DENND4A: variants seen among roughly 807,000 people sequenced by gnomAD.
The protein encoded by DENND4A is C-myc promoter-binding protein.
DENND4A carries 70 observed loss-of-function variants against 199.3 expected under a neutral mutation model. The ratio of observed to expected loss-of-function variants is 0.35; its 90% CI spans 0.29 to 0.43. The LOEUF is 0.43. Ranked by LOEUF, DENND4A falls within the 20% of genes least tolerant of loss-of-function variation. The pLI, the probability that DENND4A is intolerant of heterozygous loss-of-function variation, is 1.00. For missense variants in DENND4A, 1,723 were observed against 2,255.8 expected, an observed-to-expected ratio of 0.76 and a Z score of 4.78; for synonymous variants, 686 against 766.9, an observed-to-expected ratio of 0.89 and a Z score of 1.74.
At chr15:65,697,124 G>A (rs1446752543) in intron 21 of DENND4A, 143 bp downstream of exon 21, 2 of 585,098 alleles carry the variant, frequency 3.4e-6, no homozygotes, top group Non-Finnish European at 6.0e-6. Context: ...AGTATGTGGT[G>A]GCTGAGAGGG....
At chr15:65,789,781 T>C (rs1054082364) in intron 1 of DENND4A, among the ~76,000 whole-genome samples, 2 of 152,246 alleles carry the variant, frequency 1.3e-5, no homozygotes, top group African/African-American at 4.8e-5. Flanking sequence ...CATAGAATGC[T>C]TTGAAAAATT....
chr15:65,771,804 G>A lies in DENND4A; in HGVS notation c.-101-10366C>T, dbSNP rs2077134969. The A allele has an allele frequency of 5.6e-6, 9 of 1,613,522 alleles. No individual in the cohort carries two copies. The South Asian group carries it at 9.9e-5, about 18-fold the overall frequency. ...TACATGCTTGTTCTTCATTGCCCGT[G>A]AGGTCATACTGTTTTCGCTTTTCTG... On this transcript the variant is annotated intron_variant, in intron 1 of 32. Coordinates refer to ENST00000443035, the MANE Select transcript of DENND4A (RefSeq NM_001320835.1).
intron 11 of DENND4A, among the ~76,000 whole-genome samples, chr15:65,723,989 G>A (rs1289718332): frequency 1.3e-5 from 2 of 152,046 alleles, no homozygotes; most frequent in African/African-American, 4.8e-5. Context: ...TGGGGTAGGA[G>A]TAGAAAAGAG....
At chr15:65,732,035 T>C (rs551261677) in intron 8 of DENND4A, among the ~76,000 whole-genome samples, 32 of 152,196 alleles carry the variant, frequency 2.1e-4, no homozygotes, top group African/African-American at 5.3e-4. Context: ...GGCAAATCCA[T>C]AGATTGCCTG....
chr15:65,665,801 C>T (rs750600858), intron 29 of DENND4A, among the ~76,000 whole-genome samples: 6 of 152,172 alleles, frequency 3.9e-5, no homozygotes, highest in Admixed American at 1.3e-4. Context: ...GCCCAGATAA[C>T]GCTGAGTTCA....
In DENND4A at chr15:65,756,243, G is replaced by A; in HGVS notation, c.208C>T (p.Pro70Ser). Residue 70 changes from proline to serine, a missense_variant, in exon 3 of 33, where the codon CCA becomes TCA. Physicochemically the swap from Pro to Ser is moderately conservative, Grantham distance 74. Around this residue, in one of 6 missense-constraint regions of DENND4A, gnomAD observed 725 missense variants for 952.9 expected, o/e 0.76. Coordinates refer to ENST00000443035, the MANE Select transcript of DENND4A (RefSeq NM_001320835.1). ...TTAAGATCAGCTGACAATCCAGTTG[G>A]GGTAACATCAATACAGATATAATCC... ...PQDYICIDVT[P>S]TGLSADLNNG... 1 of 1,612,604 alleles carries A rather than the reference G, an allele frequency of 6.2e-7. No homozygotes were observed. The highest frequency in any genetic ancestry group is 8.5e-7 in the Non-Finnish European group (1 of 1,179,232).
At chr15:65,786,951 A>G (rs906241863) in intron 1 of DENND4A, among the ~76,000 whole-genome samples, 2 of 152,204 alleles carry the variant, frequency 1.3e-5, no homozygotes, top group Admixed American at 1.3e-4. Flanking sequence ...GGACTTTAAC[A>G]TGATCTGTAA....
In DENND4A at chr15:65,701,871, A is replaced by G. The variant is rs2074881745; in HGVS notation, c.2450T>C (p.Met817Thr). ...CTGATCATATTGTCCACAGAGTTGC[A>G]TAAGAATGCGGTAGCATACCTGAAA... is the stretch of plus-strand genomic sequence containing the variant. ...PPDEVCYRIL[M>T]QLCGQYDQPV... The change falls in exon 18 of 33, where the codon ATG becomes ACG. Residue 817 changes from methionine (M) to threonine (T), a missense_variant. Met to Thr is a moderately conservative substitution (Grantham distance 81, BLOSUM62 -1). Coordinates refer to ENST00000443035, the MANE Select transcript of DENND4A (RefSeq NM_001320835.1). 6.2e-7 allele frequency: 1 copy of G among 1,613,924 alleles called. No homozygotes were observed.
rs1251345394 is a variant in DENND4A at position 65,702,965 on chromosome 15, G to A, written c.2131C>T (p.Pro711Ser). The A allele has an allele frequency of 1.2e-6, 2 of 1,612,894 alleles. No homozygotes were observed. The highest frequency in any genetic ancestry group is 1.7e-5 in the Admixed American group (1 of 59,966). ...PVLRNNLFER[P>S]EGFLQAKKNK... is the part of the protein sequence containing the mutation. ...TTCTTTGCTTGTAGAAATCCTTCAGGTCTTTCAAATAAATTGTTCCTAAGA... is the reference window on the plus strand; with the variant it reads ...TTCTTTGCTTGTAGAAATCCTTCAGATCTTTCAAATAAATTGTTCCTAAGA... Residue 711 changes from proline (P) to serine (S), a missense_variant, in exon 16 of 33, where the codon CCT becomes TCT. Pro to Ser is a moderately conservative substitution (Grantham distance 74, BLOSUM62 -1). This residue lies in a region of DENND4A where 725 missense variants were observed against 952.9 expected (regional missense o/e 0.76). Coordinates refer to ENST00000443035, the MANE Select transcript of DENND4A (RefSeq NM_001320835.1).
chr15:65,718,369 C>G (rs1035310570), intron 12 of DENND4A, among the ~76,000 whole-genome samples: 31 of 152,006 alleles, frequency 2.0e-4, no homozygotes, highest in African/African-American at 6.8e-4. Context: ...TTTTTAAGTT[C>G]ATGTTCTAAA....
intron 1 of DENND4A, among the ~76,000 whole-genome samples, chr15:65,776,730 T>C (rs2077293841): frequency 6.6e-6 from 1 of 152,186 alleles, no homozygotes; most frequent in Non-Finnish European, 1.5e-5. Flanking sequence ...CAGAATGAAA[T>C]CACAGAACCA....
At chr15:65,727,607 G>A (rs1307364955) in intron 11 of DENND4A, among the ~76,000 whole-genome samples, 2 of 152,236 alleles carry the variant, frequency 1.3e-5, no homozygotes, top group East Asian at 3.9e-4. Flanking sequence ...GAGTGACAGA[G>A]TAAGACCCTG....
chr15:65,674,697 G>A (rs970143816), intron 24 of DENND4A, among the ~76,000 whole-genome samples: 23 of 149,256 alleles, frequency 1.5e-4, no homozygotes, highest in African/African-American at 5.2e-4. Context: ...CTGTGCCACT[G>A]TACTCCAGCC....
At chr15:65,669,676 T>C (rs1057426781) in intron 27 of DENND4A, 103 bp downstream of exon 27, 8 of 956,522 alleles carry the variant, frequency 8.4e-6, no homozygotes, top group Admixed American at 5.6e-5. Context: ...CTGTTATTCA[T>C]AGACATTTAA....
At position 65,665,455 on chromosome 15, in the gene DENND4A, C is replaced by T. The variant is rs757437909; in HGVS notation, c.5249G>A (p.Arg1750His). ...TTTGCTATCTTCAGACATACAGTGG[C>T]GGGGAATCTGTGTTATACAATAAAC... ...EHCNKYSKIP[R>H]HCMSEDSKYV... is the part of the protein sequence containing the mutation. Residue 1750 changes from arginine (R) to histidine (H), a missense_variant, in exon 30 of 33, where the codon CGC becomes CAC. Transcript: ENST00000443035. 16 of 1,610,242 alleles carry T rather than the reference C, an allele frequency of 9.9e-6. No homozygotes were observed. Among genetic ancestry groups the T allele is most frequent in the South Asian group, 2.2e-5 (2 of 90,632 alleles).
At chr15:65,741,623 C>T in intron 5 of DENND4A, 92 bp downstream of exon 5, 10 of 994,640 alleles carry the variant, frequency 1.0e-5, no homozygotes, top group Non-Finnish European at 1.4e-5. Context: ...AGTCCTGATA[C>T]TAACACAGAC....
chr15:65,771,994 T>C, intron 1 of DENND4A: 3 of 1,477,814 alleles, frequency 2.0e-6, no homozygotes, highest in Non-Finnish European at 2.8e-6. Flanking sequence ...ATAGTAATTT[T>C]TATATTTGTT....
intron 9 of DENND4A, among the ~76,000 whole-genome samples, chr15:65,730,486 T>C (rs2075926674): frequency 6.6e-6 from 1 of 152,042 alleles, no homozygotes; most frequent in Non-Finnish European, 1.5e-5. Flanking sequence ...CAAATGTCTA[T>C]CAACTGATAA....
intron 7 of DENND4A, among the ~76,000 whole-genome samples, chr15:65,734,753 A>G (rs1215288070): frequency 6.6e-6 from 1 of 152,228 alleles, no homozygotes; most frequent in Non-Finnish European, 1.5e-5. Context: ...AAGATATTCA[A>G]GATCCATTCA....
Sources: allele counts gnomAD v4.1 joint callset (sites outside exome capture counted in the v4.1 genomes callset), GRCh38; gene constraint gnomAD v4.1.1; regional missense constraint gnomAD v4.1.1; transcripts MANE v1.5; gene names NCBI Gene and HGNC (gene_info 2026-07-23, HGNC 2026-07-21).